The following ESS2 variants were observed in gnomAD, a reference collection of about 807,000 sequenced individuals.
ESS2 encodes the protein splicing factor ESS-2 homolog.
A neutral mutation model predicts 52.0 loss-of-function variants in ESS2; 31 were observed. The ratio of observed to expected loss-of-function variants is 0.60; its 90% confidence interval spans 0.45 to 0.81. The LOEUF (loss-of-function observed/expected upper bound fraction) is 0.81, where lower values mean the gene tolerates loss of function less well. Among genes scored for constraint, ESS2 ranks in the 30% least tolerant of loss-of-function variants. The pLI is 0.00. For synonymous variants in ESS2, 285 were observed against 259.2 expected (o/e 1.10, Z -0.95); for missense variants, 602 against 637.2 (o/e 0.94, Z 0.59).
chr22:19,143,816 C>T (rs529178886), intron 1 of ESS2, among the ~76,000 whole-genome samples: 2 of 152,286 alleles, frequency 1.3e-5, no homozygotes, highest in South Asian at 4.1e-4. Flanking sequence ...GCCGAGATCG[C>T]GCCACTGCAC....
In ESS2 at chr22:19,134,217, G is replaced by A; in HGVS notation, c.1410C>T (p.Arg470=). Residue 470 remains arginine (R), a synonymous_variant, in exon 10 of 10, where the codon CGC becomes CGT. Coordinates refer to ENST00000252137, the MANE Select transcript of ESS2 (RefSeq NM_022719.3). ...GGCTCTAAAAGAAGTCCGAAGCTTTGCGCCGGGCAGGGAGCTGCAGCAGGT... is the reference window on the plus strand; with the variant it reads ...GGCTCTAAAAGAAGTCCGAAGCTTTACGCCGGGCAGGGAGCTGCAGCAGGT... ...TDNLLQLPAR[R]KASDFF 1 of 1,522,824 alleles carries A rather than the reference G, an allele frequency of 6.6e-7. No individual in the cohort carries two copies. The highest frequency in any genetic ancestry group is 8.8e-7 in the Non-Finnish European group (1 of 1,133,876). 94.3% of individuals were successfully genotyped at this position (1,522,824 alleles called of 1,614,324 possible).
Position 19,132,759 on chromosome 22 carries a change from G to A in ESS2, c.*1437C>T. ...TGGGACTCAGCCAACCGCCCCACCT[G>A]ACACACAGTGGTCTCCGGCCTAGGA... is the stretch of plus-strand genomic sequence containing the variant. On this transcript the variant is annotated 3_prime_UTR_variant, in exon 10 of 10. Transcript: ENST00000252137. The surrounding 1 kb of genome is among the most constrained non-coding windows in gnomAD (Gnocchi z 4.2). 1 of 428,370 alleles carries A rather than the reference G, an allele frequency of 2.3e-6. No individual in the cohort carries two copies. The highest frequency in any genetic ancestry group is 4.8e-5 in the East Asian group (1 of 20,778). The allele number at this position is 428,370 out of a possible 1,614,324, so 26.5% of individuals were successfully genotyped here.
At position 19,134,125 on chromosome 22, in the gene ESS2, A is replaced by C. The variant is rs1284516113; in HGVS notation, c.*71T>G. Reference sequence around the variant, plus strand: ...CAGGCCTGGGCCCCGAGAAGGCTGGAGTCCTCTGCTGGGTGTACAGCTGCC... The same window carrying C: ...CAGGCCTGGGCCCCGAGAAGGCTGGCGTCCTCTGCTGGGTGTACAGCTGCC... On this transcript the variant is annotated 3_prime_UTR_variant, in exon 10 of 10. Transcript: ENST00000252137. 7.1e-7 allele frequency: 1 copy of C among 1,416,266 alleles called. No homozygotes were observed. The highest frequency in any genetic ancestry group is 2.7e-5 in the East Asian group (1 of 37,428). 87.7% of individuals were successfully genotyped at this position (1,416,266 alleles called of 1,614,324 possible).
chr22:19,144,152 T>C, intron 1 of ESS2: 1 of 1,067,258 alleles, frequency 9.4e-7, no homozygotes, highest in Non-Finnish European at 1.1e-6. Context: ...TGCGGTCTCT[T>C]TCCAGGAACC....
At position 19,139,646 on chromosome 22, in the gene ESS2, G is replaced by A; in HGVS notation, c.654C>T (p.Tyr218=). The change falls in exon 5 of 10, where the codon TAC becomes TAT. Residue 218 remains tyrosine, a synonymous_variant. Transcript: ENST00000252137. ...SSQASVETWK[Y]KAKNSLMYYP... ...AGTACATGAGGGAATTCTTGGCCTT[G>A]TACTTCCAGGTCTCCACACTGGCCT... 9 of 1,614,168 alleles carry A rather than the reference G, an allele frequency of 5.6e-6. No homozygotes were observed. Among genetic ancestry groups the A allele is most frequent in the South Asian group, 2.2e-5 (2 of 91,084 alleles).
rs756133356 is a variant in ESS2 at position 19,134,199 on chromosome 22, AAAG to A, written c.1425_1427del (p.Phe476del). 3 of 1,507,978 alleles carry A rather than the reference AAAG, an allele frequency of 2.0e-6. No individual in the cohort carries two copies. The allele number at this position is 1,507,978 out of a possible 1,614,324, so 93.4% of individuals were successfully genotyped here. The stretch of plus-strand genomic sequence containing the variant: ...TGAGCCCAGCCCAGGCCTGGCTCTA[AAAG>A]AAGTCCGAAGCTTTGCGCCGGGCAG... On this transcript the variant is annotated inframe_deletion, in exon 10 of 10. Coordinates refer to ENST00000252137, the MANE Select transcript of ESS2 (RefSeq NM_022719.3).
At chr22:19,143,092 C>T (rs2083719968) in intron 1 of ESS2, among the ~76,000 whole-genome samples, 198 bp from the exon 2 acceptor site, 1 of 150,614 alleles carries the variant, frequency 6.6e-6, no homozygotes, top group Non-Finnish European at 1.5e-5. Flanking sequence ...GTAATTCCAG[C>T]TACGTGGGAG....
Position 19,133,971 on chromosome 22 carries a change from G to A in ESS2, c.*225C>T, listed in dbSNP as rs2083535576. On this transcript the variant is annotated 3_prime_UTR_variant, in exon 10 of 10. Coordinates refer to ENST00000252137, the MANE Select transcript of ESS2 (RefSeq NM_022719.3). ...GGTGTTCTTTAATGACAGTTCAAGGGGCCAATTAAACAGCAAACAGCTTGG... is the reference window on the plus strand; with the variant it reads ...GGTGTTCTTTAATGACAGTTCAAGGAGCCAATTAAACAGCAAACAGCTTGG... The A allele has an allele frequency of 6.9e-6, 3 of 436,304 alleles. No homozygotes were observed. Among genetic ancestry groups the A allele is most frequent in the East Asian group, 3.6e-5 (1 of 28,000 alleles). 27.0% of individuals were successfully genotyped at this position (436,304 alleles called of 1,614,324 possible). A position where few individuals can be genotyped will look rare whatever the true frequency, so the allele number is the denominator to read the frequency against.
intron 1 of ESS2, among the ~76,000 whole-genome samples, chr22:19,143,447 C>T (rs534804454): frequency 6.6e-6 from 1 of 152,358 alleles, no homozygotes; most frequent in East Asian, 1.9e-4. Flanking sequence ...TGAAACCCTT[C>T]TCTCTCGCCC....
In ESS2 at chr22:19,131,357, CG is replaced by C. The variant is rs750547740; in HGVS notation, c.*2838del. On this transcript the variant is annotated 3_prime_UTR_variant, in exon 10 of 10. Coordinates refer to ENST00000252137, the MANE Select transcript of ESS2 (RefSeq NM_022719.3). The surrounding 1 kb of genome is among the most constrained non-coding windows in gnomAD (Gnocchi z 5.7). The stretch of plus-strand genomic sequence containing the variant: ...GGACAATGCCTGCTGGCCCACATGA[CG>C]GGGGGATGTAGACGGCAGCGGCGCC... The C allele has an allele frequency of 1.5e-5, 22 of 1,514,060 alleles. No individual in the cohort carries two copies. The African/African-American group carries it at 1.8e-4, about 12-fold the overall frequency. 93.8% of individuals were successfully genotyped at this position (1,514,060 alleles called of 1,614,324 possible). A position where few individuals can be genotyped will look rare whatever the true frequency, so the allele number is the denominator to read the frequency against.
chr22:19,138,135 T>C (rs543496907), intron 7 of ESS2, 80 bp downstream of exon 7: 4 of 1,594,686 alleles, frequency 2.5e-6, no homozygotes, highest in South Asian at 1.1e-5. Context: ...AGGCCAGGAG[T>C]GGCCAGGGCC....
chr22:19,144,142 T>C, intron 1 of ESS2: 3 of 1,057,700 alleles, frequency 2.8e-6, no homozygotes, highest in Non-Finnish European at 3.4e-6. Flanking sequence ...CTGTCACAAC[T>C]GCGGTCTCTT....
At chr22:19,140,666 G>A (rs992108939) in intron 3 of ESS2, among the ~76,000 whole-genome samples, 6 of 152,214 alleles carry the variant, frequency 3.9e-5, no homozygotes, top group Non-Finnish European at 1.5e-5. Flanking sequence ...GGTGCTGCGT[G>A]TGGTGGTGCA....
intron 7 of ESS2, 120 bp downstream of exon 7, chr22:19,138,095 G>T: frequency 1.3e-6 from 2 of 1,525,816 alleles, no homozygotes; most frequent in Admixed American, 4.3e-5. Context: ...AGGTCCCTGA[G>T]TTACACAAGG....
At chr22:19,144,283 T>C (rs754304067) in intron 1 of ESS2, 3 of 1,321,590 alleles carry the variant, frequency 2.3e-6, no homozygotes, top group Non-Finnish European at 2.9e-6. Flanking sequence ...CCCCGTCCCA[T>C]ACAAAGAGAG....
At position 19,139,210 on chromosome 22, in the gene ESS2, G is replaced by T; in HGVS notation, c.771C>A (p.Ser257Arg). The T allele has an allele frequency of 6.2e-7, 1 of 1,608,174 alleles. No homozygotes were observed. Residue 257 changes from serine (S) to arginine (R), a missense_variant, in exon 6 of 10, where the codon AGC (serine) becomes AGA (arginine). Coordinates refer to ENST00000252137, the MANE Select transcript of ESS2 (RefSeq NM_022719.3). ...GGAGCTGGCACCTGCTCAGGGCTTG[G>T]CTGAAGGGGTCCCTAAGGAAGCGCG... ...KNTRFLRDPF[S>R]QALSRCQLQQ...
Position 19,144,498 on chromosome 22 carries a change from G to A in ESS2, c.135+8C>T, listed in dbSNP as rs200368767. On this transcript the variant is annotated splice_region_variant and intron_variant, in intron 1 of 9. Transcript: ENST00000252137. ...CAGAAGTCGCCGGCGTCCGCACCGA[G>A]GTCGTACCTCGATATACTCTTCCTC... 133 of 1,611,462 alleles carry A rather than the reference G, an allele frequency of 8.3e-5. No individual in the cohort carries two copies. Among genetic ancestry groups the A allele is most frequent in the Admixed American group, 1.8e-4 (11 of 59,946 alleles).
Position 19,140,001 on chromosome 22 carries a change from TCTC to T in ESS2, c.421_423del (p.Glu141del), listed in dbSNP as rs1259092281. 2.5e-6 allele frequency: 4 copies of T among 1,613,660 alleles called. No individual in the cohort carries two copies. The highest frequency in any genetic ancestry group is 1.3e-5 in the African/African-American group (1 of 74,912). On this transcript the variant is annotated inframe_deletion, in exon 4 of 10. Coordinates refer to ENST00000252137, the MANE Select transcript of ESS2 (RefSeq NM_022719.3). ...ACATCTAGGCTGGGCAGCGGCTCCT[TCTC>T]CTCCTCCTCTCCAGCCTCTCCTGCT...
In ESS2 at chr22:19,130,379, T is replaced by C. The variant is rs12233351; in HGVS notation, c.*3817A>G. 2,645 of 167,390 alleles carry C rather than the reference T, an allele frequency of 0.016. 126 individuals are homozygous for C. The East Asian group carries it at 0.18, about 12-fold the overall frequency. 10.4% of individuals were successfully genotyped at this position (167,390 alleles called of 1,614,324 possible). On this transcript the variant is annotated 3_prime_UTR_variant, in exon 10 of 10. Coordinates refer to ENST00000252137, the MANE Select transcript of ESS2 (RefSeq NM_022719.3). ...AGTGCTACAATTTTCTTACTGTTTA[T>C]ATAGGTTGGGGTTATGTGCCTACAT...
Sources: allele counts gnomAD v4.1 joint callset (sites outside exome capture counted in the v4.1 genomes callset), GRCh38; gene constraint gnomAD v4.1.1; non-coding constraint Gnocchi (gnomAD v3.1); transcripts MANE v1.5; gene names NCBI Gene and HGNC (gene_info 2026-07-23, HGNC 2026-07-21).